Variants in DLL1 observed in about 807,000 individuals in gnomAD.
The protein encoded by DLL1 is delta-like protein 1.
DLL1 carries 9 observed loss-of-function variants against 75.1 expected under a neutral mutation model. The observed-to-expected ratio is 0.12, with a 90% CI of 0.07 to 0.21. The LOEUF (loss-of-function observed/expected upper bound fraction) is 0.21, where lower values mean the gene tolerates loss of function less well. Among genes scored for constraint, DLL1 ranks in the 10% least tolerant of loss-of-function variants. DLL1 has a pLI of 1.00. For missense variants in DLL1, 837 were observed against 1,007.6 expected, an observed-to-expected ratio of 0.83 and a Z score of 2.29; for synonymous variants, 477 against 418.3, an observed-to-expected ratio of 1.14 and a Z score of -1.71.
Position 170,289,512 on chromosome 6 carries a change from C to T in DLL1, c.351G>A (p.Pro117=). The T allele has an allele frequency of 6.5e-7, 1 of 1,534,160 alleles. No homozygotes were observed. Among genetic ancestry groups the T allele is most frequent in the South Asian group, 1.2e-5 (1 of 83,982 alleles). The change falls in exon 2 of 11, where the codon CCG becomes CCA. Residue 117 remains proline, a splice_region_variant and synonymous_variant. Coordinates refer to ENST00000366756, the MANE Select transcript of DLL1 (RefSeq NM_005618.4). ...PIRFPFGFTW[P]GTFSLIIEAL... is the part of the protein sequence containing the mutation. ...CGGCGCGCGCAGGTGCGGCACTCAC[C>T]GGCCAGGTGAAGCCGAAGGGGAAGC...
intron 4 of DLL1, among the ~76,000 whole-genome samples, chr6:170,286,802 TACACACACACAC>T (rs143742416): frequency 1.3e-5 from 2 of 149,024 alleles, no homozygotes; most frequent in East Asian, 2.0e-4. Flanking sequence ...CCCTCGCGTG[TACACACACACAC>T]ACACACACAC....
In DLL1 at chr6:170,283,113, G is replaced by A. The variant is rs1783599044; in HGVS notation, c.2049-8C>T. ...CTTTCAGATGCTTCTCCACTAAAAG[G>A]AAAATAGAGAAAATCCACAATGAAT... On this transcript the variant is annotated splice_region_variant and splice_polypyrimidine_tract_variant and intron_variant, in intron 9 of 10. Transcript: ENST00000366756. 2 of 1,613,916 alleles carry A rather than the reference G, an allele frequency of 1.2e-6. No homozygotes were observed. Among genetic ancestry groups the A allele is most frequent in the African/African-American group, 1.3e-5 (1 of 74,920 alleles).
intron 4 of DLL1, 118 bp downstream of exon 4, chr6:170,288,121 G>C (rs1261289334): frequency 1.3e-6 from 2 of 1,500,616 alleles, no homozygotes; most frequent in Non-Finnish European, 1.8e-6. Flanking sequence ...CTGGGCCTCA[G>C]TTTCCCCACC....
chr6:170,288,064 A>AC lies in DLL1; in HGVS notation c.670+174dup, dbSNP rs547296317. ...TGTTAAAATGTCTGCGTTGACCCCA[A>AC]CCCCCCCACTGACGAGCTGTGACTT... On this transcript the variant is annotated intron_variant, in intron 4 of 10. Coordinates refer to ENST00000366756, the MANE Select transcript of DLL1 (RefSeq NM_005618.4). 74 of 906,560 alleles carry AC rather than the reference A, an allele frequency of 8.2e-5. No individual in the cohort carries two copies. In the Admixed American group the frequency reaches 1.1e-3, roughly 13 times the overall value. 56.2% of individuals were successfully genotyped at this position (906,560 alleles called of 1,614,324 possible).
In DLL1 at chr6:170,284,931, G is replaced by A; in HGVS notation, c.1237C>T (p.Pro413Ser). Residue 413 changes from proline to serine, a missense_variant, in exon 8 of 11, where the codon CCC becomes TCC. By Grantham distance (74) the Pro-to-Ser change is moderately conservative. Around this residue, in one of 2 missense-constraint regions of DLL1, gnomAD observed 533 missense variants for 545.7 expected, o/e 0.98. Coordinates refer to ENST00000366756, the MANE Select transcript of DLL1 (RefSeq NM_005618.4). ...GCTGCCCCCTTACCATTAGAACAGG[G>A]TGAAGAGCTGCAGTAGTCAATTTTC... is the stretch of plus-strand genomic sequence containing the variant. ...EKKIDYCSSS[P>S]CSNGAKCVDL... 1 of 1,613,940 alleles carries A rather than the reference G, an allele frequency of 6.2e-7. No homozygotes were observed.
Position 170,290,427 on chromosome 6 carries a change from C to T in DLL1, c.-288G>A, listed in dbSNP as rs558185452. 2.0e-5 allele frequency: 8 copies of T among 406,826 alleles called. No homozygotes were observed. In the East Asian group the frequency reaches 2.4e-4, roughly 12 times the overall value. 25.2% of individuals were successfully genotyped at this position (406,826 alleles called of 1,614,324 possible). A position where few individuals can be genotyped will look rare whatever the true frequency, so the allele number is the denominator to read the frequency against. ...GGCGGCGGCGACTTTCGTTTTCCTCCTTCCTCCCAGCCCCCGAGGAGGTGA... is the reference window on the plus strand; with the variant it reads ...GGCGGCGGCGACTTTCGTTTTCCTCTTTCCTCCCAGCCCCCGAGGAGGTGA... On this transcript the variant is annotated 5_prime_UTR_variant, in exon 1 of 11. Coordinates refer to ENST00000366756, the MANE Select transcript of DLL1 (RefSeq NM_005618.4). The surrounding 1 kb of genome is among the most constrained non-coding windows in gnomAD (Gnocchi z 4.7).
At chr6:170,289,000 A>G (rs944638863) in intron 2 of DLL1, among the ~76,000 whole-genome samples, 2 of 152,088 alleles carry the variant, frequency 1.3e-5, no homozygotes, top group South Asian at 2.1e-4. Flanking sequence ...TGGTTTCCTG[A>G]CGTGTTTTTT....
At chr6:170,288,634 A>G in intron 3 of DLL1, 95 bp downstream of exon 3, 1 of 1,608,668 alleles carries the variant, frequency 6.2e-7, no homozygotes, top group East Asian at 2.2e-5. Context: ...CACGTGCAGA[A>G]TGAAAGCTGT....
In DLL1 at chr6:170,289,782, C is replaced by T. The variant is rs1449940716; in HGVS notation, c.81G>A (p.Leu27=). ...TCTTGTTGACGAACTCCTGCAGCTT[C>T]AGTTCGAACACCCCAGAGCTCCAGA... ...CQVWSSGVFE[L]KLQEFVNKKG... The change falls in exon 2 of 11, where the codon CTG becomes CTA. Residue 27 remains leucine, a synonymous_variant. Transcript: ENST00000366756. 6.4e-7 allele frequency: 1 copy of T among 1,557,738 alleles called. No homozygotes were observed. The highest frequency in any genetic ancestry group is 1.2e-5 in the South Asian group (1 of 84,718).
At chr6:170,285,174 G>T in intron 7 of DLL1, 39 bp from the exon 8 acceptor site, 2 of 1,613,614 alleles carry the variant, frequency 1.2e-6, no homozygotes, top group African/African-American at 2.7e-5. Context: ...TTCCAAAGTT[G>T]CTCCAAGGAG....
intron 4 of DLL1, among the ~76,000 whole-genome samples, chr6:170,287,610 T>C (rs1783731473): frequency 6.6e-6 from 1 of 152,202 alleles, no homozygotes; most frequent in Non-Finnish European, 1.5e-5. Context: ...AGACATTGCT[T>C]CTCCAGACAA....
In DLL1 at chr6:170,283,366, G is replaced by A. The variant is rs780734657; in HGVS notation, c.1913C>T (p.Ala638Val). 2.0e-5 allele frequency: 32 copies of A among 1,612,052 alleles called. No homozygotes were observed. The highest frequency in any genetic ancestry group is 3.3e-5 in the South Asian group (3 of 91,094). Residue 638 changes from alanine (A) to valine (V), a missense_variant, in exon 9 of 11, where the codon GCG (alanine) becomes GTG (valine). Physicochemically the swap from Ala to Val is moderately conservative, Grantham distance 64. Coordinates refer to ENST00000366756, the MANE Select transcript of DLL1 (RefSeq NM_005618.4). ...DKNGFKARYP[A>V]VDYNLVQDLK... ...GTCCTGCACGAGGTTATAGTCCACC[G>A]CTGGGTAGCGGGCCTTGAAGCCATT... is the stretch of plus-strand genomic sequence containing the variant.
chr6:170,284,661 C>T (rs902083725), intron 8 of DLL1, among the ~76,000 whole-genome samples: 1 of 152,174 alleles, frequency 6.6e-6, no homozygotes, highest in Admixed American at 6.5e-5. Flanking sequence ...CGCAGGTGCC[C>T]GAAGCACCTT....
At chr6:170,287,374 C>T (rs1783726445) in intron 4 of DLL1, among the ~76,000 whole-genome samples, 1 of 152,180 alleles carries the variant, frequency 6.6e-6, no homozygotes, top group South Asian at 2.1e-4. Flanking sequence ...TGGGCAGCTC[C>T]AGGACCTACC....
At position 170,285,550 on chromosome 6, in the gene DLL1, T is replaced by C; in HGVS notation, c.862+19A>G. The C allele has an allele frequency of 6.2e-7, 1 of 1,614,078 alleles. No homozygotes were observed. Among genetic ancestry groups the C allele is most frequent in the Non-Finnish European group, 8.5e-7 (1 of 1,179,984 alleles). On this transcript the variant is annotated intron_variant, in intron 6 of 10. Coordinates refer to ENST00000366756, the MANE Select transcript of DLL1 (RefSeq NM_005618.4). ...GCTGCTCTGGAGGGAGCAGGCTGCC[T>C]CAGGGAGAGAAGGCTTACCCTGGTT...
intron 1 of DLL1, 99 bp from the exon 2 acceptor site, chr6:170,289,907 A>G: frequency 1.5e-6 from 2 of 1,371,886 alleles, no homozygotes; most frequent in Non-Finnish European, 9.6e-7. Context: ...GGAAGGGCTC[A>G]GGGGCCGAGC....
chr6:170,284,952 T>C lies in DLL1; in HGVS notation c.1216A>G (p.Ile406Val). The change falls in exon 8 of 11, where the codon ATT (isoleucine) becomes GTT (valine). Residue 406 changes from isoleucine to valine, a missense_variant. By Grantham distance (29) the Ile-to-Val change is conservative. Around this residue, in one of 2 missense-constraint regions of DLL1, gnomAD observed 533 missense variants for 545.7 expected, o/e 0.98. Transcript: ENST00000366756. Reference protein sequence around the residue: ...GYSGFNCEKKIDYCSSSPCSN... With the variant: ...GYSGFNCEKKVDYCSSSPCSN... ...CAGGGTGAAGAGCTGCAGTAGTCAA[T>C]TTTCTTCTCACAGTTGAAGCCGGAG... is the stretch of plus-strand genomic sequence containing the variant. 2 of 1,614,082 alleles carry C rather than the reference T, an allele frequency of 1.2e-6. No homozygotes were observed. Among genetic ancestry groups the C allele is most frequent in the Non-Finnish European group, 8.5e-7 (1 of 1,180,038 alleles).
chr6:170,286,905 C>T (rs1200339289), intron 4 of DLL1, among the ~76,000 whole-genome samples: 6 of 152,296 alleles, frequency 3.9e-5, no homozygotes, highest in East Asian at 3.9e-4. Context: ...CTATGGCACG[C>T]GCGAGCTGGG....
chr6:170,288,568 C>T, intron 3 of DLL1, 72 bp from the exon 4 acceptor site: 2 of 1,613,604 alleles, frequency 1.2e-6, no homozygotes, highest in Non-Finnish European at 1.7e-6. Flanking sequence ...GGGGGTGGGC[C>T]GAGACATTCA....
Sources: allele counts gnomAD v4.1 joint callset (sites outside exome capture counted in the v4.1 genomes callset), GRCh38; gene constraint gnomAD v4.1.1; regional missense constraint gnomAD v4.1.1; non-coding constraint Gnocchi (gnomAD v3.1); transcripts MANE v1.5; gene names NCBI Gene and HGNC (gene_info 2026-07-23, HGNC 2026-07-21).